ANKRD18B: variants seen among roughly 807,000 people sequenced by gnomAD.
The protein encoded by ANKRD18B is ankyrin repeat domain-containing protein 18B.
Under a neutral mutation model 111.8 loss-of-function variants are expected in ANKRD18B, and 75 were observed. The ratio of observed to expected loss-of-function variants is 0.67; its 90% CI spans 0.56 to 0.81. The LOEUF (loss-of-function observed/expected upper bound fraction) is 0.81, where lower values mean the gene tolerates loss of function less well. Among genes scored for constraint, ANKRD18B ranks in the 40% least tolerant of loss-of-function variants. The probability of loss-of-function intolerance (pLI) is 0.00; values close to 1 mark genes in which losing one functional copy is unlikely to be tolerated. For synonymous variants in ANKRD18B, 356 were observed against 417.3 expected, an observed-to-expected ratio of 0.85 and a Z score of 1.79; for missense variants, 1,038 against 1,225.5, an observed-to-expected ratio of 0.85 and a Z score of 2.28.
chr9:33,527,536 G>A (rs1828043479), intron 1 of ANKRD18B, among the ~76,000 whole-genome samples: 2 of 152,138 alleles, frequency 1.3e-5, no homozygotes, highest in African/African-American at 4.8e-5. Flanking sequence ...TGGTCAGGCT[G>A]GTCTTGAACT....
At position 33,534,463 on chromosome 9, in the gene ANKRD18B, TG is replaced by T. The variant is rs1411808502; in HGVS notation, c.698del (p.Gly233AlafsTer13). 1 of 1,550,654 alleles carries T rather than the reference TG, an allele frequency of 6.4e-7. No homozygotes were observed. Among genetic ancestry groups the T allele is most frequent in the Non-Finnish European group, 8.7e-7 (1 of 1,146,746 alleles). ...NIHISSQDMF[G>X]QTAEDYAFCC... ...TACATATCTCTTCTCAAGACATGTT[TG>T]GCCAAACTGCCGAGGATTATGCTTT... is the stretch of plus-strand genomic sequence containing the variant. On this transcript the variant is annotated frameshift_variant, in exon 5 of 19. Coordinates refer to ENST00000684830, the MANE Select transcript of ANKRD18B (RefSeq NM_001393611.1). LOFTEE classifies it high-confidence loss of function.
intron 15 of ANKRD18B, 48 bp downstream of exon 15, chr9:33,566,548 A>C (rs373185329): frequency 6.4e-7 from 1 of 1,569,900 alleles, no homozygotes; most frequent in South Asian, 1.2e-5. Context: ...GCTTTCATTT[A>C]TTTCACTGCA....
intron 10 of ANKRD18B, among the ~76,000 whole-genome samples, chr9:33,545,493 C>T (rs535556410): frequency 5.3e-5 from 8 of 152,260 alleles, no homozygotes; most frequent in South Asian, 4.1e-4. Flanking sequence ...TTTACAAAGC[C>T]GAAAACCAAT....
intron 13 of ANKRD18B, among the ~76,000 whole-genome samples, chr9:33,557,827 A>T (rs980337127): frequency 6.6e-6 from 1 of 152,012 alleles, no homozygotes. Context: ...AAAAAACTGT[A>T]TGGCTATTAT....
chr9:33,525,007 A>C (rs1828006416), intron 1 of ANKRD18B, among the ~76,000 whole-genome samples: 4 of 152,264 alleles, frequency 2.6e-5, no homozygotes, highest in Admixed American at 6.5e-5. Context: ...GAGTTCTCAG[A>C]TAAAACCCTG....
At chr9:33,555,160 T>G (rs1412625221) in intron 12 of ANKRD18B, among the ~76,000 whole-genome samples, 1 of 152,106 alleles carries the variant, frequency 6.6e-6, no homozygotes, top group African/African-American at 2.4e-5. Flanking sequence ...TTGTGTATTA[T>G]AGAAAAAATA....
At chr9:33,563,959 G>A in intron 14 of ANKRD18B, among the ~76,000 whole-genome samples, 1 of 152,152 alleles carries the variant, frequency 6.6e-6, no homozygotes, top group Non-Finnish European at 1.5e-5. Context: ...GTTGTTAAGA[G>A]ACAGGGTCTT....
chr9:33,560,014 C>T (rs1224495054), intron 14 of ANKRD18B, among the ~76,000 whole-genome samples: 1 of 152,170 alleles, frequency 6.6e-6, no homozygotes, highest in African/African-American at 2.4e-5. Context: ...TATAGATTTG[C>T]GTATAAGCCT....
rs542733851 is a variant in ANKRD18B at position 33,570,725 on chromosome 9, C to T, written c.3178-521C>T. ...TGATCTCGGCTCACTGCAACCTCCA[C>T]CTCCTGGGTTCAAGCCATTTTCCTG... On this transcript the variant is annotated intron_variant, in intron 17 of 18. Transcript: ENST00000684830. Among the ~76,000 whole-genome samples the T allele has an allele frequency of 1.1e-4, 17 of 151,358 alleles. No individual in the cohort carries two copies. The South Asian group carries it at 1.7e-3, about 15-fold the overall frequency.
At chr9:33,528,416 T>G (rs575054) in intron 1 of ANKRD18B, among the ~76,000 whole-genome samples, 2 of 152,238 alleles carry the variant, frequency 1.3e-5, no homozygotes, top group East Asian at 3.8e-4. Context: ...TAGCTGCTGT[T>G]GTCATCTTTA....
At chr9:33,532,083 A>C (rs1312094919) in intron 3 of ANKRD18B, among the ~76,000 whole-genome samples, 2 of 152,042 alleles carry the variant, frequency 1.3e-5, no homozygotes, top group Non-Finnish European at 2.9e-5. Flanking sequence ...AAATACAAAA[A>C]ATTAGCCAGG....
chr9:33,537,101 A>G (rs1828213316), intron 6 of ANKRD18B, among the ~76,000 whole-genome samples, 156 bp downstream of exon 6: 2 of 152,106 alleles, frequency 1.3e-5, no homozygotes, highest in Non-Finnish European at 2.9e-5. Flanking sequence ...TTTTGAGACC[A>G]GCCTGGCTAA....
rs1035516204 is a variant in ANKRD18B, at chr9:33,548,531, C to T, written c.1743C>T (p.Asp581=). ...KTLALESVQL[D]LKQAQHRIKE... ...TGGCTTTAGAAAGTGTACAGCTGGACCTAAAGCAAGCGCAGCATCGAATAA... is the reference window on the plus strand; with the variant it reads ...TGGCTTTAGAAAGTGTACAGCTGGATCTAAAGCAAGCGCAGCATCGAATAA... The change falls in exon 11 of 19, where the codon GAC becomes GAT. Residue 581 remains aspartate (D), a synonymous_variant. Transcript: ENST00000684830. 10 of 1,550,738 alleles carry T rather than the reference C, an allele frequency of 6.4e-6. No individual in the cohort carries two copies. The African/African-American group carries it at 1.1e-4, about 17-fold the overall frequency.
intron 1 of ANKRD18B, among the ~76,000 whole-genome samples, chr9:33,526,824 A>G (rs889085874): frequency 4.6e-5 from 7 of 152,228 alleles, no homozygotes; most frequent in African/African-American, 1.7e-4. Flanking sequence ...TCATTTCATT[A>G]TAGTTGTCTT....
intron 17 of ANKRD18B, among the ~76,000 whole-genome samples, chr9:33,569,906 C>T (rs1341452407): frequency 6.6e-6 from 1 of 152,040 alleles, no homozygotes; most frequent in African/African-American, 2.4e-5. Flanking sequence ...TTGTGGCAGG[C>T]ACCTGTAATC....
chr9:33,568,698 C>T lies in ANKRD18B; in HGVS notation c.2982C>T (p.Ser994=). ...TKSDKKIAVI[S]TKLFMEKERM... ...CGGATAAGAAAATAGCTGTGATCAG[C>T]ACCAAGCTCTTTATGGAGAAAGAGC... The change falls in exon 17 of 19, where the codon AGC becomes AGT. Residue 994 remains serine (S), a synonymous_variant. Coordinates refer to ENST00000684830, the MANE Select transcript of ANKRD18B (RefSeq NM_001393611.1). The T allele has an allele frequency of 6.5e-7, 1 of 1,550,202 alleles. No homozygotes were observed. Among genetic ancestry groups the T allele is most frequent in the Non-Finnish European group, 8.7e-7 (1 of 1,146,286 alleles).
At chr9:33,565,396 T>A (rs1316163023) in intron 14 of ANKRD18B, among the ~76,000 whole-genome samples, 1 of 152,228 alleles carries the variant, frequency 6.6e-6, no homozygotes, top group Non-Finnish European at 1.5e-5. Context: ...AAAATGCAAT[T>A]CAAATTAGCA....
intron 13 of ANKRD18B, 79 bp downstream of exon 13, chr9:33,555,899 T>C: frequency 1.0e-6 from 1 of 955,124 alleles, no homozygotes; most frequent in Non-Finnish European, 1.4e-6. Flanking sequence ...AAAACTTTGA[T>C]ACAAATTCAT....
chr9:33,573,098 ACT>A, downstream of ANKRD18B: 1 of 1,127,390 alleles, frequency 8.9e-7, no homozygotes. Flanking sequence ...TGTCCCCATT[ACT>A]CTGTCAGCAC....
Sources: gnomAD v4.1 joint callset for allele counts (sites outside exome capture counted in the v4.1 genomes callset) on GRCh38, gnomAD v4.1.1 for gene constraint, MANE v1.5 for transcripts, NCBI Gene and HGNC (gene_info 2026-07-23, HGNC 2026-07-21) for gene names.